CRPPA: variants seen among roughly 807,000 people sequenced by gnomAD.
The protein encoded by CRPPA is D-ribitol-5-phosphate cytidylyltransferase.
CRPPA carries 43 observed loss-of-function variants against 52.0 expected under a neutral mutation model. The ratio of observed to expected loss-of-function variants is 0.83; its 90% CI spans 0.65 to 1.07. The LOEUF is 1.07. CRPPA is among the 50% of genes least tolerant of loss of function. The pLI, the probability that CRPPA is intolerant of heterozygous loss-of-function variation, is 0.00. For synonymous variants in CRPPA, 250 were observed against 203.5 expected (o/e 1.23, Z -1.94); for missense variants, 629 against 551.7 (o/e 1.14, Z -1.40).
intron 9 of CRPPA, among the ~76,000 whole-genome samples, chr7:16,118,616 G>C (rs993979259): frequency 6.6e-6 from 1 of 152,136 alleles, no homozygotes; most frequent in Non-Finnish European, 1.5e-5. Context: ...TTGGACAAAG[G>C]AAAGAACTAG....
chr7:16,107,665 AT>A (rs1190292226), intron 9 of CRPPA, among the ~76,000 whole-genome samples: 8 of 152,120 alleles, frequency 5.3e-5, no homozygotes, highest in African/African-American at 1.9e-4. Context: ...AATATGAACT[AT>A]AAAAAAGCAA....
Position 16,421,076 on chromosome 7 carries a change from C to A in CRPPA, c.247G>T (p.Ala83Ser), listed in dbSNP as rs2128321450. The A allele has an allele frequency of 2.3e-6, 3 of 1,289,582 alleles. No homozygotes were observed. The highest frequency in any genetic ancestry group is 3.0e-6 in the Non-Finnish European group (3 of 1,011,806). The allele number at this position is 1,289,582 out of a possible 1,614,324, so 79.9% of individuals were successfully genotyped here. The change falls in exon 1 of 10, where the codon GCC becomes TCC. Residue 83 changes from alanine (A) to serine (S), a missense_variant. By Grantham distance (99) the Ala-to-Ser change is moderately conservative (BLOSUM62 1). Transcript: ENST00000407010. ...ERPLISYTLQ[A>S]LERVCWIKDI... ...CCGGCGCCGCATTACCTCTCCAGGGCCTGTAGGGTGTAGCTGATGAGCGGC... is the reference window on the plus strand; with the variant it reads ...CCGGCGCCGCATTACCTCTCCAGGGACTGTAGGGTGTAGCTGATGAGCGGC...
At chr7:16,216,482 G>T (rs937791701) in intron 8 of CRPPA, 13 of 279,384 alleles carry the variant, frequency 4.7e-5, no homozygotes, top group Non-Finnish European at 8.9e-5. Flanking sequence ...AGCTCCCAGC[G>T]TGAGCGACGC....
intron 3 of CRPPA, among the ~76,000 whole-genome samples, chr7:16,327,988 C>T (rs546876851): frequency 1.8e-4 from 28 of 152,314 alleles, no homozygotes; most frequent in African/African-American, 6.7e-4. Context: ...CATGATTTTA[C>T]TTTCTCACTT....
chr7:16,388,011 C>A (rs1344120845), intron 2 of CRPPA, among the ~76,000 whole-genome samples: 3 of 152,152 alleles, frequency 2.0e-5, no homozygotes, highest in African/African-American at 7.2e-5. Flanking sequence ...GAGGCAAGGT[C>A]TTGCTCTGTC....
chr7:16,164,343 C>T lies in CRPPA; in HGVS notation c.1251+51723G>A, dbSNP rs12671500. The stretch of plus-strand genomic sequence containing the variant: ...TATGATTCATGAAGTTCTTGTGCTG[C>T]GTTTTTCAGCTCCATCAGGTCATTT... On this transcript the variant is annotated intron_variant, in intron 9 of 9. Transcript: ENST00000407010. Among the ~76,000 whole-genome samples, 28 of 152,242 alleles carry T rather than the reference C, an allele frequency of 1.8e-4. No individual in the cohort carries two copies. The East Asian group carries it at 5.2e-3, about 28-fold the overall frequency.
chr7:16,175,240 A>T (rs1234187704), intron 9 of CRPPA, among the ~76,000 whole-genome samples: 6 of 152,188 alleles, frequency 3.9e-5, no homozygotes, highest in Non-Finnish European at 7.4e-5. Context: ...ATATAAACCC[A>T]AATCACAGTA....
At chr7:16,106,317 G>A (rs1782150688) in intron 9 of CRPPA, among the ~76,000 whole-genome samples, 1 of 152,144 alleles carries the variant, frequency 6.6e-6, no homozygotes, top group African/African-American at 2.4e-5. Flanking sequence ...TCTGACCTGT[G>A]CTGAGCAGCA....
chr7:16,168,878 C>T (rs1220226826), intron 9 of CRPPA, among the ~76,000 whole-genome samples: 1 of 152,130 alleles, frequency 6.6e-6, no homozygotes, highest in East Asian at 1.9e-4. Context: ...ATGATAACTA[C>T]TCAAGCAATT....
rs960807906 is a variant in CRPPA at position 16,116,420 on chromosome 7, T to C, written c.1252-24621A>G. ...TGGCTCACATCTGTAATCCCAGCAA[T>C]TTAGGAGGCCTAGGCAGGTGGATCA... On this transcript the variant is annotated intron_variant, in intron 9 of 9. Coordinates refer to ENST00000407010, the MANE Select transcript of CRPPA (RefSeq NM_001101426.4). Among the ~76,000 whole-genome samples the C allele has an allele frequency of 3.3e-5, 5 of 151,890 alleles. No homozygotes were observed. The East Asian group carries it at 7.7e-4, about 24-fold the overall frequency.
intron 9 of CRPPA, among the ~76,000 whole-genome samples, chr7:16,211,111 T>C (rs749385141): frequency 2.6e-5 from 4 of 152,206 alleles, no homozygotes; most frequent in Non-Finnish European, 4.4e-5. Flanking sequence ...CATTTTGTAT[T>C]GACAAAAAAA....
intron 9 of CRPPA, among the ~76,000 whole-genome samples, chr7:16,184,108 AT>A (rs1781461718): frequency 6.6e-6 from 1 of 151,616 alleles, no homozygotes; most frequent in Non-Finnish European, 1.5e-5. Flanking sequence ...CGCCCCGCTA[AT>A]TTTTTGTATT....
At chr7:16,398,667 G>C (rs1331020048) in intron 2 of CRPPA, among the ~76,000 whole-genome samples, 2 of 151,974 alleles carry the variant, frequency 1.3e-5, no homozygotes, top group Non-Finnish European at 2.9e-5. Context: ...GGACAGCTTT[G>C]TGACACGTGA....
At position 16,156,722 on chromosome 7, in the gene CRPPA, C is replaced by T. The variant is rs555159027; in HGVS notation, c.1251+59344G>A. Among the ~76,000 whole-genome samples, 179 of 152,322 alleles carry T rather than the reference C, an allele frequency of 1.2e-3. 2 individuals are homozygous for T. Among genetic ancestry groups the T allele is most frequent in the African/African-American group, 4.1e-3 (172 of 41,568 alleles). ...GTTTCATGGCAAGAAATCCAGTCTTCATGTTAAACGATCATAATAGCATAT... is the reference window on the plus strand; with the variant it reads ...GTTTCATGGCAAGAAATCCAGTCTTTATGTTAAACGATCATAATAGCATAT... On this transcript the variant is annotated intron_variant, in intron 9 of 9. Transcript: ENST00000407010.
intron 3 of CRPPA, among the ~76,000 whole-genome samples, chr7:16,368,967 G>T (rs759745237): frequency 6.6e-6 from 1 of 152,080 alleles, no homozygotes; most frequent in Non-Finnish European, 1.5e-5. Flanking sequence ...TATAAAATAT[G>T]TGTCTACATA....
chr7:16,401,641 G>A (rs114404012), intron 2 of CRPPA, among the ~76,000 whole-genome samples: 2,101 of 152,220 alleles, frequency 0.014, 57 homozygotes, highest in African/African-American at 0.048. Context: ...AATATTTAAC[G>A]TGTTGGTCCT....
chr7:16,129,733 G>A (rs747350885), intron 9 of CRPPA, among the ~76,000 whole-genome samples: 5 of 152,076 alleles, frequency 3.3e-5, no homozygotes, highest in Non-Finnish European at 5.9e-5. Flanking sequence ...ATAGAACCTC[G>A]GTTTCTGGAA....
At chr7:16,302,953 T>A (rs1159155293) in intron 4 of CRPPA, among the ~76,000 whole-genome samples, 1 of 152,148 alleles carries the variant, frequency 6.6e-6, no homozygotes, top group Non-Finnish European at 1.5e-5. Context: ...GTTTTTTTAA[T>A]TAAAATAAGG....
At position 16,228,693 on chromosome 7, in the gene CRPPA, A is replaced by C. The variant is rs548663131; in HGVS notation, c.1120-12496T>G. 6.8e-4 allele frequency among the ~76,000 whole-genome samples: 102 copies of C among 149,718 alleles called. 3 individuals carry two copies. The South Asian group carries it at 0.018, about 27-fold the overall frequency. On this transcript the variant is annotated intron_variant, in intron 8 of 9. Coordinates refer to ENST00000407010, the MANE Select transcript of CRPPA (RefSeq NM_001101426.4). ...TAATTTCAATCTTAAGTATTTTAAC[A>C]CTTGTTTCATAGCCTAACATGATTT...
Sources: allele counts gnomAD v4.1 joint callset (sites outside exome capture counted in the v4.1 genomes callset), GRCh38; gene constraint gnomAD v4.1.1; transcripts MANE v1.5; gene names NCBI Gene and HGNC (gene_info 2026-07-23, HGNC 2026-07-21).